The following ZNF236 variants were observed in gnomAD, a reference collection of about 807,000 sequenced individuals.
The protein encoded by ZNF236 is zinc finger protein 236.
A neutral mutation model predicts 191.2 loss-of-function variants in ZNF236; 50 were observed. The observed-to-expected ratio is 0.26, with a 90% CI of 0.21 to 0.33. The LOEUF is 0.33. ZNF236 is among the 10% of genes least tolerant of loss of function. The pLI, the probability that ZNF236 is intolerant of heterozygous loss-of-function variation, is 1.00. For missense variants in ZNF236, 1,754 were observed against 2,374.5 expected (o/e 0.74, Z 5.43); for synonymous variants, 907 against 928.8 (o/e 0.98, Z 0.43).
intron 26 of ZNF236, 83 bp from the exon 27 acceptor site, chr18:76,947,434 AAGGT>A (rs1230654293): frequency 1.6e-5 from 23 of 1,475,772 alleles, no homozygotes; most frequent in Non-Finnish European, 1.9e-5. Flanking sequence ...CTTGTTTTCC[AAGGT>A]AGCTGCACCA....
rs558366660 is a variant in ZNF236 at position 76,827,268 on chromosome 18, C to T, written c.55+4606C>T. ...TGGCTTGATCTCGGCTCACTGCAACCTCTGCCTCCTGGGTTCAAGTGATTC... is the reference window on the plus strand; with the variant it reads ...TGGCTTGATCTCGGCTCACTGCAACTTCTGCCTCCTGGGTTCAAGTGATTC... On this transcript the variant is annotated intron_variant, in intron 1 of 30. Transcript: ENST00000320610. Among the ~76,000 whole-genome samples the T allele has an allele frequency of 2.6e-5, 4 of 152,184 alleles. No homozygotes were observed. The South Asian group carries it at 8.3e-4, about 32-fold the overall frequency.
intron 2 of ZNF236, among the ~76,000 whole-genome samples, chr18:76,850,924 A>G (rs1321586276): frequency 6.6e-6 from 1 of 151,386 alleles, no homozygotes; most frequent in Non-Finnish European, 1.5e-5. Context: ...GATTTTGTTT[A>G]TAATGATGGA....
chr18:76,833,169 A>G (rs1367678626), intron 1 of ZNF236, among the ~76,000 whole-genome samples: 1 of 152,072 alleles, frequency 6.6e-6, no homozygotes, highest in Admixed American at 6.6e-5. Flanking sequence ...TTATTTCTTC[A>G]TTTCCAATCT....
At chr18:76,849,704 C>A in intron 2 of ZNF236, 36 bp downstream of exon 2, 1 of 1,446,272 alleles carries the variant, frequency 6.9e-7, no homozygotes, top group South Asian at 1.6e-5. Flanking sequence ...GGAATGTGAG[C>A]GTTGAAACTG....
intron 10 of ZNF236, among the ~76,000 whole-genome samples, chr18:76,898,394 T>C (rs1291201985): frequency 6.6e-6 from 1 of 152,240 alleles, no homozygotes; most frequent in Non-Finnish European, 1.5e-5. Flanking sequence ...GCTGACAATG[T>C]GGATGAGTAT....
chr18:76,953,446 G>A (rs536714229), intron 27 of ZNF236, among the ~76,000 whole-genome samples: 100 of 152,318 alleles, frequency 6.6e-4, no homozygotes, highest in African/African-American at 2.2e-3. Flanking sequence ...CCTGTGAGGT[G>A]TCTAAGTGTC....
chr18:76,847,509 A>G (rs984688945), intron 1 of ZNF236, among the ~76,000 whole-genome samples: 4 of 151,970 alleles, frequency 2.6e-5, no homozygotes, highest in African/African-American at 7.2e-5. Flanking sequence ...TCTTTCACCC[A>G]GGCTGGAGTG....
intron 27 of ZNF236, among the ~76,000 whole-genome samples, chr18:76,948,437 G>A (rs1256499798): frequency 6.6e-6 from 1 of 152,172 alleles, no homozygotes; most frequent in Non-Finnish European, 1.5e-5. Context: ...TAGCACATTT[G>A]TGTCTGGGGT....
chr18:76,911,306 G>A (rs2122768154), intron 16 of ZNF236, among the ~76,000 whole-genome samples: 2 of 15,594 alleles, frequency 1.3e-4, no homozygotes, highest in Non-Finnish European at 2.1e-4. Context: ...TAATAGTGAT[G>A]AGAAATTGAC....
intron 22 of ZNF236, among the ~76,000 whole-genome samples, chr18:76,926,737 G>A (rs1438673319): frequency 0.03 from 84 of 2,822 alleles, no homozygotes; most frequent in East Asian, 0.048. Context: ...CCATGTGTGT[G>A]TATGGTATAA....
chr18:76,914,222 C>A (rs1351311468), intron 18 of ZNF236, among the ~76,000 whole-genome samples: 4 of 152,192 alleles, frequency 2.6e-5, no homozygotes, highest in Admixed American at 6.5e-5. Context: ...CTGCTTCTTT[C>A]ACAGCACAGT....
At chr18:76,825,095 CTTT>C (rs765659119) in intron 1 of ZNF236, among the ~76,000 whole-genome samples, 5 of 152,320 alleles carry the variant, frequency 3.3e-5, no homozygotes, top group South Asian at 4.1e-4. Flanking sequence ...GGCATGCAGT[CTTT>C]TGTGTTCCTT....
chr18:76,941,670 G>A (rs1387976910), intron 26 of ZNF236, among the ~76,000 whole-genome samples: 1 of 152,198 alleles, frequency 6.6e-6, no homozygotes, highest in African/African-American at 2.4e-5. Context: ...TGGAGCCTGT[G>A]TCTATCCAGA....
At chr18:76,826,174 C>T (rs1369332029) in intron 1 of ZNF236, among the ~76,000 whole-genome samples, 3 of 151,710 alleles carry the variant, frequency 2.0e-5, no homozygotes, top group South Asian at 2.1e-4. Context: ...TGCAGTGGCG[C>T]GATCTTGTCT....
chr18:76,851,425 CT>C, intron 2 of ZNF236, among the ~76,000 whole-genome samples: 1 of 152,098 alleles, frequency 6.6e-6, no homozygotes, highest in African/African-American at 2.4e-5. Flanking sequence ...GCCACCGTGC[CT>C]GGGCACAGAA....
In ZNF236 at chr18:76,875,515, G is replaced by A; in HGVS notation, c.691G>A (p.Glu231Lys). ...HTGERPFKCS[E>K]CGKAFNQKGA... Reference sequence around the variant, plus strand: ...AGGTGAAAGGCCGTTCAAATGTAGTGAATGTGGAAAGGCTTTTAACCAGAA... The same window carrying A: ...AGGTGAAAGGCCGTTCAAATGTAGTAAATGTGGAAAGGCTTTTAACCAGAA... Residue 231 changes from glutamate (E) to lysine (K), a missense_variant, in exon 6 of 31, where the codon GAA becomes AAA. Physicochemically the swap from Glu to Lys is moderately conservative, Grantham distance 56. Coordinates refer to ENST00000320610, the MANE Select transcript of ZNF236 (RefSeq NM_001306089.2). This position sits in a 1 kb window ranked among gnomAD's most constrained non-coding sequence, Gnocchi z 4.3. The A allele has an allele frequency of 6.5e-7, 1 of 1,547,700 alleles. No individual in the cohort carries two copies. Among genetic ancestry groups the A allele is most frequent in the Non-Finnish European group, 8.7e-7 (1 of 1,143,008 alleles).
At chr18:76,823,892 C>T (rs574077984) in intron 1 of ZNF236, among the ~76,000 whole-genome samples, 146 of 152,288 alleles carry the variant, frequency 9.6e-4, no homozygotes, top group African/African-American at 3.4e-3. Flanking sequence ...CGCGAGTCTC[C>T]CCCTGCAGGC....
At chr18:76,917,114 A>C (rs950807474) in intron 19 of ZNF236, among the ~76,000 whole-genome samples, 2 of 152,222 alleles carry the variant, frequency 1.3e-5, no homozygotes, top group African/African-American at 4.8e-5. Flanking sequence ...TTAGTAGATA[A>C]TTCTGGAATA....
At chr18:76,955,329 A>G (rs1968497457) in intron 27 of ZNF236, among the ~76,000 whole-genome samples, 1 of 152,058 alleles carries the variant, frequency 6.6e-6, no homozygotes, top group Non-Finnish European at 1.5e-5. Flanking sequence ...GGGTGGGAGG[A>G]TTGCTTGAGC....
Sources: allele counts gnomAD v4.1 joint callset (sites outside exome capture counted in the v4.1 genomes callset), GRCh38; gene constraint gnomAD v4.1.1; non-coding constraint Gnocchi (gnomAD v3.1); transcripts MANE v1.5; gene names NCBI Gene and HGNC (gene_info 2026-07-23, HGNC 2026-07-21).